Variants in PCCA observed in about 807,000 individuals in gnomAD.
PCCA encodes propionyl-CoA carboxylase subunit alpha, also known as propionyl-CoA carboxylase alpha chain, mitochondrial.
PCCA carries 74 observed loss-of-function variants against 101.3 expected under a neutral mutation model. That is an observed-to-expected ratio of 0.73 (90% CI 0.61 to 0.89). The LOEUF is 0.89. PCCA is among the 40% of genes least tolerant of loss of function. PCCA has a pLI of 0.00. For missense variants in PCCA, 891 were observed against 907.0 expected (o/e 0.98, Z 0.23); for synonymous variants, 294 against 313.6 (o/e 0.94, Z 0.66).
chr13:100,128,581 C>T (rs1415326443), intron 4 of PCCA, among the ~76,000 whole-genome samples: 3 of 152,226 alleles, frequency 2.0e-5, no homozygotes, highest in Non-Finnish European at 4.4e-5. Context: ...GAGAAGGAGT[C>T]AGCCAGCTAG....
intron 6 of PCCA, among the ~76,000 whole-genome samples, chr13:100,174,645 T>C (rs979954555): frequency 1.3e-5 from 2 of 150,258 alleles, no homozygotes; most frequent in African/African-American, 4.9e-5. Flanking sequence ...GGAGAATTGC[T>C]TGGACCTGGA....
intron 6 of PCCA, among the ~76,000 whole-genome samples, chr13:100,197,077 C>T (rs2058152291): frequency 6.6e-6 from 1 of 152,194 alleles, no homozygotes; most frequent in Non-Finnish European, 1.5e-5. Flanking sequence ...AGACTCAGGA[C>T]TTCCAGTGCA....
At chr13:100,441,173 GT>G (rs2152917066) in intron 20 of PCCA, among the ~76,000 whole-genome samples, 1 of 152,222 alleles carries the variant, frequency 6.6e-6, no homozygotes, top group South Asian at 2.1e-4. Context: ...CTCCTCTTCT[GT>G]TAACTAGAAA....
chr13:100,310,700 T>A (rs1477347472), intron 16 of PCCA, among the ~76,000 whole-genome samples: 2 of 152,214 alleles, frequency 1.3e-5, no homozygotes, highest in Non-Finnish European at 2.9e-5. Flanking sequence ...ACTAATTTGC[T>A]TACTCTATAT....
At chr13:100,155,162 T>A (rs78522069) in intron 5 of PCCA, 70 bp downstream of exon 5, 88 of 808,616 alleles carry the variant, frequency 1.1e-4, no homozygotes, top group Middle Eastern at 2.4e-4. Context: ...AGTTTGTATT[T>A]AAAAAAAAAA....
intron 19 of PCCA, among the ~76,000 whole-genome samples, chr13:100,369,613 G>T (rs1225023225): frequency 6.6e-6 from 1 of 152,164 alleles, no homozygotes; most frequent in Non-Finnish European, 1.5e-5. Context: ...TGAACTAAGG[G>T]TAGTCTCCTT....
chr13:100,186,562 C>T (rs1029169029), intron 6 of PCCA, among the ~76,000 whole-genome samples: 8 of 151,662 alleles, frequency 5.3e-5, no homozygotes, highest in Non-Finnish European at 1.2e-4. Context: ...GGCAAAATGA[C>T]GAAACCCTGT....
intron 21 of PCCA, chr13:100,490,526 A>G (rs2084825929): frequency 6.6e-6 from 1 of 152,228 alleles, no homozygotes; most frequent in Admixed American, 6.5e-5. Context: ...TCTGATGACT[A>G]TGAGCAAGGC....
At chr13:100,132,214 T>TATC (rs1457515730) in intron 4 of PCCA, among the ~76,000 whole-genome samples, 15 of 152,290 alleles carry the variant, frequency 9.8e-5, no homozygotes, top group African/African-American at 3.6e-4. Flanking sequence ...CTTCTGTGGA[T>TATC]ATCAGCACAT....
rs763331038 is a variant in PCCA at position 100,400,627 on chromosome 13, G to GTTTTTTTTTTTTTTT, written c.1747-25004_1747-25003insTTTTTTTTTTTTTTT. Among the ~76,000 whole-genome samples, 19 of 80,220 alleles carry GTTTTTTTTTTTTTTT rather than the reference G, an allele frequency of 2.4e-4. 2 individuals are homozygous for GTTTTTTTTTTTTTTT. Among genetic ancestry groups the GTTTTTTTTTTTTTTT allele is most frequent in the East Asian group, 7.0e-4 (2 of 2,848 alleles). 52.6% of individuals were successfully genotyped at this position (80,220 alleles called of 152,430 possible). ...TGATGATTGATCTTAGTTCTTTTTAGTTCTTTTTTTTTTTTTTTTTGAGAG... is the reference window on the plus strand; with the variant it reads ...TGATGATTGATCTTAGTTCTTTTTAGTTTTTTTTTTTTTTTTTCTTTTTTTTTTTTTTTTTGAGAG... On this transcript the variant is annotated intron_variant, in intron 19 of 23. Coordinates refer to ENST00000376285, the MANE Select transcript of PCCA (RefSeq NM_000282.4).
intron 19 of PCCA, among the ~76,000 whole-genome samples, chr13:100,409,123 G>A (rs1412043430): frequency 4.6e-5 from 7 of 152,036 alleles, no homozygotes; most frequent in Admixed American, 6.6e-5. Flanking sequence ...GCTGCTCTCT[G>A]GTCCCTCCCA....
chr13:100,089,280 C>A (rs2046045575), intron 1 of PCCA, 55 bp downstream of exon 1: 1 of 1,371,138 alleles, frequency 7.3e-7, no homozygotes, highest in Non-Finnish European at 9.4e-7. Context: ...CTAGCCGTGC[C>A]GCCTCTGGGC....
At chr13:100,480,943 A>G (rs1225093412) in intron 21 of PCCA, 2 of 152,242 alleles carry the variant, frequency 1.3e-5, no homozygotes, top group East Asian at 3.9e-4. Flanking sequence ...GGGGATGCCT[A>G]AGACTGCGGA....
rs542321792 is a variant in PCCA at position 100,408,159 on chromosome 13, C to T, written c.1747-17474C>T. The stretch of plus-strand genomic sequence containing the variant: ...AGAGTGAGACTCCGTCTTAAACAAA[C>T]AAACAAACTTGATAAGTTGTTTTAA... On this transcript the variant is annotated intron_variant, in intron 19 of 23. Transcript: ENST00000376285. Among the ~76,000 whole-genome samples, 208 of 152,270 alleles carry T rather than the reference C, an allele frequency of 1.4e-3. 1 individual carries two copies. Among genetic ancestry groups the T allele is most frequent in the African/African-American group, 4.6e-3 (193 of 41,558 alleles).
At chr13:100,386,180 T>C (rs892518352) in intron 19 of PCCA, among the ~76,000 whole-genome samples, 1 of 152,188 alleles carries the variant, frequency 6.6e-6, no homozygotes, top group African/African-American at 2.4e-5. Context: ...TCCTAAAACA[T>C]CACAGGACTA....
intron 6 of PCCA, among the ~76,000 whole-genome samples, chr13:100,195,873 C>T (rs1170662244): frequency 6.6e-6 from 1 of 152,060 alleles, no homozygotes; most frequent in Non-Finnish European, 1.5e-5. Context: ...CTGATGTGCA[C>T]AAAGAGTGAA....
chr13:100,302,884 A>T, intron 13 of PCCA, 40 bp from the exon 14 acceptor site: 1 of 1,129,056 alleles, frequency 8.9e-7, no homozygotes, highest in Non-Finnish European at 1.4e-6. Flanking sequence ...GTGCTGATTT[A>T]TATTTCAAAG....
At chr13:100,363,740 C>G (rs934101068) in intron 18 of PCCA, among the ~76,000 whole-genome samples, 1 of 152,098 alleles carries the variant, frequency 6.6e-6, no homozygotes, top group Non-Finnish European at 1.5e-5. Context: ...CAAAAACCAG[C>G]TTTTTTGAGT....
intron 8 of PCCA, among the ~76,000 whole-genome samples, chr13:100,245,132 A>C (rs1461721260): frequency 2.0e-5 from 3 of 152,234 alleles, no homozygotes; most frequent in African/African-American, 7.2e-5. Flanking sequence ...TGATGAAACT[A>C]AATATAACTA....
Sources: gnomAD v4.1 joint callset for allele counts (sites outside exome capture counted in the v4.1 genomes callset) on GRCh38, gnomAD v4.1.1 for gene constraint, MANE v1.5 for transcripts, NCBI Gene and HGNC (gene_info 2026-07-23, HGNC 2026-07-21) for gene names.